Variants in NBDY observed in about 807,000 individuals in gnomAD.
The protein encoded by NBDY is negative regulator of P-body association.
chrX:56,792,090 C>T (rs1272973947), intron 2 of NBDY, among the ~76,000 whole-genome samples: 1 of 110,321 alleles, frequency 9.1e-6, no homozygotes, highest in African/African-American at 3.3e-5. Flanking sequence ...TCTTTTGCTC[C>T]TTGGTTATGC....
intron 2 of NBDY, among the ~76,000 whole-genome samples, chrX:56,762,384 G>A (rs2069642012): frequency 1.9e-5 from 2 of 107,082 alleles, no homozygotes; most frequent in African/African-American, 6.9e-5. Flanking sequence ...AGATCTTGGC[G>A]AGACAAATGT....
intron 2 of NBDY, among the ~76,000 whole-genome samples, chrX:56,743,177 A>T (rs1257165004): frequency 3.6e-5 from 4 of 111,302 alleles, no homozygotes; most frequent in Admixed American, 1.9e-4. Context: ...CATGATGAAT[A>T]ATCTTTTTAA....
intron 2 of NBDY, among the ~76,000 whole-genome samples, chrX:56,785,714 C>G (rs1032144393): frequency 9.0e-6 from 1 of 111,725 alleles, no homozygotes; most frequent in African/African-American, 3.3e-5. Context: ...TTTCTTCTTG[C>G]TGGTGGCTCT....
intron 2 of NBDY, among the ~76,000 whole-genome samples, chrX:56,760,304 C>T (rs1363534966): frequency 8.8e-6 from 1 of 113,148 alleles, no homozygotes; most frequent in Non-Finnish European, 1.9e-5. Flanking sequence ...CACTGTGGCT[C>T]CACAAATGGC....
At chrX:56,747,447 G>T (rs979255367) in intron 2 of NBDY, among the ~76,000 whole-genome samples, 20 of 111,771 alleles carry the variant, frequency 1.8e-4, no homozygotes, top group African/African-American at 6.2e-4. Context: ...ACTTCAAGCA[G>T]TGAGAAAATA....
intron 2 of NBDY, among the ~76,000 whole-genome samples, chrX:56,812,815 T>G (rs1239355639): frequency 8.9e-6 from 1 of 111,764 alleles, no homozygotes. Flanking sequence ...TTCTTCTTCT[T>G]CCTTTTTCCT....
intron 2 of NBDY, among the ~76,000 whole-genome samples, chrX:56,759,002 C>T (rs5960792): frequency 0.042 from 4,710 of 111,801 alleles, 245 homozygotes; most frequent in African/African-American, 0.15. Flanking sequence ...CTACCCATAC[C>T]GCTTGGTACC....
intron 2 of NBDY, among the ~76,000 whole-genome samples, chrX:56,767,954 C>T (rs2069676296): frequency 2.0e-5 from 1 of 50,808 alleles, no homozygotes; most frequent in Non-Finnish European, 3.6e-5. Context: ...GGGCTCATTC[C>T]CAGGATGGCG....
intron 2 of NBDY, among the ~76,000 whole-genome samples, chrX:56,746,415 C>T (rs2069558590): frequency 9.0e-6 from 1 of 110,938 alleles, no homozygotes. Context: ...GGAAGATAAG[C>T]CAGATTTTAT....
intron 2 of NBDY, chrX:56,811,306 T>G (rs2069885117): frequency 8.9e-6 from 1 of 112,059 alleles, no homozygotes; most frequent in South Asian, 3.7e-4. Context: ...GCTGCTCTAT[T>G]CAGAGGTACC....
chrX:56,813,527 CAAACACACAAGCAGAG>C (rs1288199364), intron 2 of NBDY, among the ~76,000 whole-genome samples: 1 of 111,287 alleles, frequency 9.0e-6, no homozygotes, highest in African/African-American at 3.3e-5. Context: ...AACATAATCA[CAAACACACAAGCAGAG>C]AAACACACAA....
At chrX:56,811,933 A>G (rs952491476) in intron 2 of NBDY, among the ~76,000 whole-genome samples, 2 of 111,927 alleles carry the variant, frequency 1.8e-5, no homozygotes, top group African/African-American at 6.5e-5. Flanking sequence ...TGTGAAGACC[A>G]TGGGAAAAGT....
chrX:56,767,667 A>T (rs992176629), intron 2 of NBDY, among the ~76,000 whole-genome samples: 8 of 113,165 alleles, frequency 7.1e-5, no homozygotes, highest in Non-Finnish European at 1.3e-4. Flanking sequence ...CTTCTCGCCT[A>T]TCTCTTCTCC....
chrX:56,736,607 T>A (rs2069495381), intron 2 of NBDY, among the ~76,000 whole-genome samples: 1 of 112,857 alleles, frequency 8.9e-6, no homozygotes, highest in African/African-American at 3.2e-5. Context: ...CTTATAATCT[T>A]AAAACTTTTA....
At chrX:56,761,120 C>T (rs1488001391) in intron 2 of NBDY, among the ~76,000 whole-genome samples, 2 of 112,150 alleles carry the variant, frequency 1.8e-5, no homozygotes, top group African/African-American at 6.5e-5. Context: ...CAGAGGTCTC[C>T]GTTTTTAACG....
rs1187463974 is a variant in NBDY at position 56,781,407 on chromosome X, G to A, written c.*167-35913G>A. Among the ~76,000 whole-genome samples, 3 of 111,908 alleles carry A rather than the reference G, an allele frequency of 2.7e-5. No homozygotes were observed. The Admixed American group carries it at 2.8e-4, about 11-fold the overall frequency. Reference sequence around the variant, plus strand: ...GGTGTGGGCAGCAGGGAACAGGGCAGTCTCCTGGCCCAACAGATCTTTGTG... The same window carrying A: ...GGTGTGGGCAGCAGGGAACAGGGCAATCTCCTGGCCCAACAGATCTTTGTG... On this transcript the variant is annotated intron_variant, in intron 2 of 2. Coordinates refer to ENST00000374922, the MANE Select transcript of NBDY (RefSeq NM_001348129.2).
chrX:56,818,981 C>G lies in NBDY; in HGVS notation c.*1828C>G, dbSNP rs1265574544. On this transcript the variant is annotated 3_prime_UTR_variant, in exon 3 of 3. Coordinates refer to ENST00000374922, the MANE Select transcript of NBDY (RefSeq NM_001348129.2). ...TGGTACTGGGACAACTTGGTATCTA[C>G]ATGCAAAAAAAAAACAAAAAAACAA... 3.2e-5 allele frequency: 2 copies of G among 62,176 alleles called. No homozygotes were observed. The highest frequency in any genetic ancestry group is 6.3e-5 in the Non-Finnish European group (2 of 31,999). 5.1% of individuals were successfully genotyped at this position (62,176 alleles called of 1,213,427 possible).
Position 56,742,206 on chromosome X carries a change from A to G in NBDY, c.*166+10007A>G, listed in dbSNP as rs773996387. On this transcript the variant is annotated intron_variant, in intron 2 of 2. Coordinates refer to ENST00000374922, the MANE Select transcript of NBDY (RefSeq NM_001348129.2). ...TGGTCTATGTGTCTGTTTTTGTGACAATACCATGCTGTTTTGATTACTGTA... is the reference window on the plus strand; with the variant it reads ...TGGTCTATGTGTCTGTTTTTGTGACGATACCATGCTGTTTTGATTACTGTA... 5.4e-5 allele frequency among the ~76,000 whole-genome samples: 6 copies of G among 111,431 alleles called. No homozygotes were observed. In the South Asian group the frequency reaches 2.3e-3, roughly 42 times the overall value.
chrX:56,734,936 C>T (rs773526954), intron 2 of NBDY, among the ~76,000 whole-genome samples: 1 of 111,892 alleles, frequency 8.9e-6, no homozygotes, highest in Non-Finnish European at 1.9e-5. Flanking sequence ...TATCTTAGGG[C>T]CAAAGAAACT....
Sources: allele counts gnomAD v4.1 joint callset (sites outside exome capture counted in the v4.1 genomes callset), GRCh38; gene constraint gnomAD v4.1.1; transcripts MANE v1.5; gene names NCBI Gene and HGNC (gene_info 2026-07-23, HGNC 2026-07-21).